Variants in CEP72 observed in about 807,000 individuals in gnomAD.
CEP72 encodes centrosomal protein of 72 kDa.
A neutral mutation model predicts 65.7 loss-of-function variants in CEP72; 78 were observed. The observed-to-expected ratio is 1.19, with a 90% confidence interval of 0.99 to 1.43. The LOEUF is 1.43. Ranked by LOEUF, CEP72 falls within the 40% of genes most tolerant of loss-of-function variation. CEP72 has a pLI of 0.00. For missense variants in CEP72, 914 were observed against 832.9 expected (o/e 1.10, Z -1.20); for synonymous variants, 358 against 351.7 (o/e 1.02, Z -0.20).
At chr5:655,368 A>C (rs187963108), downstream of CEP72, 87 of 152,248 alleles carry the variant, frequency 5.7e-4, 1 homozygote, top group African/African-American at 1.9e-3. This position sits in a 1 kb window ranked among gnomAD's most constrained non-coding sequence, Gnocchi z 5.0. Flanking sequence ...CAAAAAAAAA[A>C]CAAAAAAACT....
At chr5:625,666 C>T (rs1394658798) in intron 4 of CEP72, among the ~76,000 whole-genome samples, 1 of 152,238 alleles carries the variant, frequency 6.6e-6, no homozygotes, top group Admixed American at 6.5e-5. Flanking sequence ...CATTTCAAAC[C>T]AGACTACTTG....
chr5:672,088 G>GT (rs1740242636), downstream of CEP72, among the ~76,000 whole-genome samples: 1 of 152,236 alleles, frequency 6.6e-6, no homozygotes, highest in Non-Finnish European at 1.5e-5. Context: ...CCAAACCTGG[G>GT]TCCTGCTCCT....
intron 4 of CEP72, among the ~76,000 whole-genome samples, chr5:666,396 G>C (rs1739915722): frequency 6.6e-6 from 1 of 152,238 alleles, no homozygotes; most frequent in East Asian, 1.9e-4. Context: ...CAGTGCCGGA[G>C]GCCATTAGGC....
intron 9 of CEP72, chr5:641,161 G>A: frequency 3.0e-6 from 3 of 984,722 alleles, no homozygotes; most frequent in Non-Finnish European, 3.6e-6. Flanking sequence ...CCTCATGGGG[G>A]CTCTGTCTCA....
intron 1 of CEP72, chr5:663,069 CCGA>C (rs1739724927): frequency 1.3e-5 from 2 of 150,178 alleles, no homozygotes; most frequent in Non-Finnish European, 1.5e-5. Context: ...TCGGGTGATT[CCGA>C]TGACTGCTTG....
downstream of CEP72, among the ~76,000 whole-genome samples, chr5:668,875 C>T (rs1039244189): frequency 4.6e-5 from 7 of 152,218 alleles, no homozygotes; most frequent in Admixed American, 1.3e-4. Context: ...ACGCACCCAA[C>T]GCGGTGGGTG....
chr5:669,133 G>C (rs1191309981), downstream of CEP72, among the ~76,000 whole-genome samples: 1 of 152,226 alleles, frequency 6.6e-6, no homozygotes, highest in African/African-American at 2.4e-5. Flanking sequence ...GGGAGCGGAG[G>C]CCTCGCTGTG....
intron 4 of CEP72, among the ~76,000 whole-genome samples, chr5:627,901 T>G (rs1736855506): frequency 1.3e-5 from 2 of 152,178 alleles, no homozygotes; most frequent in South Asian, 2.1e-4. Context: ...GGAGTAAAAG[T>G]CTTCCCCCGC....
intron 5 of CEP72, among the ~76,000 whole-genome samples, chr5:634,278 G>T (rs1230007680): frequency 6.6e-6 from 1 of 152,212 alleles, no homozygotes; most frequent in East Asian, 1.9e-4. Flanking sequence ...AGCTGCAGGG[G>T]GGCATAGTCA....
chr5:614,296 TC>T (rs1561020691), intron 1 of CEP72, among the ~76,000 whole-genome samples: 1 of 152,174 alleles, frequency 6.6e-6, no homozygotes, highest in African/African-American at 2.4e-5. Context: ...TTTGAGACTT[TC>T]CTATTTTCTA....
At chr5:643,895 G>T (rs984868986) in intron 9 of CEP72, among the ~76,000 whole-genome samples, 1 of 152,230 alleles carries the variant, frequency 6.6e-6, no homozygotes, top group Non-Finnish European at 1.5e-5. Context: ...GGCCACCGGT[G>T]CCTCACACTG....
chr5:649,172 G>GACTGTGAGGTGT (rs1738712487), intron 11 of CEP72, among the ~76,000 whole-genome samples: 1 of 115,838 alleles, frequency 8.6e-6, no homozygotes, highest in Non-Finnish European at 2.0e-5. Context: ...TGTGAGGTGT[G>GACTGTGAGGTGT]GACTGTGAGG....
downstream of CEP72, among the ~76,000 whole-genome samples, chr5:671,636 C>G (rs1438226304): frequency 6.6e-6 from 1 of 152,230 alleles, no homozygotes; most frequent in Non-Finnish European, 1.5e-5. Context: ...GGTACAGGAG[C>G]CACAGGCCTT....
downstream of CEP72, among the ~76,000 whole-genome samples, chr5:669,114 C>T (rs558190585): frequency 3.3e-4 from 51 of 152,336 alleles, no homozygotes; most frequent in African/African-American, 1.2e-3. Context: ...CTCATGGGGT[C>T]CCAGGGAGGG....
In CEP72 at chr5:624,299, G is replaced by C. The variant is rs1736592279; in HGVS notation, c.404-172G>C. Among the ~76,000 whole-genome samples the C allele has an allele frequency of 6.6e-6, 1 of 152,188 alleles. No homozygotes were observed. The highest frequency in any genetic ancestry group is 1.5e-5 in the Non-Finnish European group (1 of 68,030). On this transcript the variant is annotated intron_variant, in intron 3 of 11. Coordinates refer to ENST00000264935, the MANE Select transcript of CEP72 (RefSeq NM_018140.4). The surrounding 1 kb of genome is among the most constrained non-coding windows in gnomAD (Gnocchi z 4.7). ...GACAGGCGGCCTCAGCACCACGCTG[G>C]GCATCGCCGGGAAGCTGTGGGACCA...
chr5:649,108 A>AGGTGTGGG (rs1561062495), intron 11 of CEP72, among the ~76,000 whole-genome samples: 5,310 of 65,668 alleles, frequency 0.081, no homozygotes, highest in East Asian at 0.13. Context: ...TGAGGTGTGG[A>AGGTGTGGG]CTGTGAGGTG....
intron 1 of CEP72, among the ~76,000 whole-genome samples, chr5:615,619 C>T (rs1190458782): frequency 6.6e-6 from 1 of 152,202 alleles, no homozygotes; most frequent in South Asian, 2.1e-4. Flanking sequence ...TATTTTTATT[C>T]ACTCTGCTAA....
At chr5:619,387 G>A (rs1320111155) in intron 2 of CEP72, among the ~76,000 whole-genome samples, 1 of 152,226 alleles carries the variant, frequency 6.6e-6, no homozygotes, top group Non-Finnish European at 1.5e-5. Flanking sequence ...TGGGCCTGGG[G>A]CTGCCTCCTG....
chr5:644,659 CT>C (rs2126804871), intron 10 of CEP72, among the ~76,000 whole-genome samples: 1 of 152,306 alleles, frequency 6.6e-6, no homozygotes, highest in East Asian at 1.9e-4. Flanking sequence ...AAGGCCACCC[CT>C]GTCCTCACCC....
Sources: allele counts gnomAD v4.1 joint callset (sites outside exome capture counted in the v4.1 genomes callset), GRCh38; gene constraint gnomAD v4.1.1; non-coding constraint Gnocchi (gnomAD v3.1); transcripts MANE v1.5; gene names NCBI Gene and HGNC (gene_info 2026-07-23, HGNC 2026-07-21).